SETBP1: variants seen among roughly 807,000 people sequenced by gnomAD.
The protein encoded by SETBP1 is SET-binding protein.
In SETBP1, 9 loss-of-function variants were observed where a neutral mutation model predicts 101.0. That is an observed-to-expected ratio of 0.09 (90% CI 0.05 to 0.16). SETBP1 has a LOEUF of 0.16. Ranked by LOEUF, SETBP1 falls within the 10% of genes least tolerant of loss-of-function variation. The probability of loss-of-function intolerance (pLI) is 1.00; values close to 1 mark genes in which losing one functional copy is unlikely to be tolerated. For missense variants in SETBP1, 1,858 were observed against 2,033.8 expected, an observed-to-expected ratio of 0.91 and a Z score of 1.66; for synonymous variants, 818 against 788.5, an observed-to-expected ratio of 1.04 and a Z score of -0.63.
chr18:45,022,089 G>C (rs2073082740), intron 4 of SETBP1, among the ~76,000 whole-genome samples: 1 of 152,122 alleles, frequency 6.6e-6, no homozygotes, highest in Non-Finnish European at 1.5e-5. Flanking sequence ...AACCTACTAG[G>C]AGCAGATTTT....
chr18:44,849,357 G>C (rs573415403), intron 2 of SETBP1, among the ~76,000 whole-genome samples: 16 of 152,208 alleles, frequency 1.1e-4, no homozygotes, highest in African/African-American at 3.4e-4. Flanking sequence ...AAGTTTTAAG[G>C]CTGGTCCTAT....
At chr18:44,887,148 A>G (rs866301832) in intron 3 of SETBP1, among the ~76,000 whole-genome samples, 1 of 152,144 alleles carries the variant, frequency 6.6e-6, no homozygotes, top group East Asian at 1.9e-4. Flanking sequence ...AAGTGGGGAC[A>G]TGAACTCCCT....
chr18:44,790,482 C>T (rs2071346932), intron 2 of SETBP1, among the ~76,000 whole-genome samples: 1 of 152,182 alleles, frequency 6.6e-6, no homozygotes, highest in South Asian at 2.1e-4. Context: ...TAGCAAGTGC[C>T]GTCACACTGA....
chr18:44,974,093 T>C (rs1310136143), intron 4 of SETBP1, among the ~76,000 whole-genome samples: 1 of 152,202 alleles, frequency 6.6e-6, no homozygotes, highest in Non-Finnish European at 1.5e-5. Context: ...ACAATTCAAA[T>C]TTGCTTATGA....
intron 2 of SETBP1, among the ~76,000 whole-genome samples, chr18:44,733,582 T>G (rs2069888292): frequency 6.6e-6 from 1 of 152,166 alleles, no homozygotes; most frequent in Non-Finnish European, 1.5e-5. Flanking sequence ...AGCTCCAGTA[T>G]CCCTGTGGGT....
chr18:44,736,744 C>A (rs2069977483), intron 2 of SETBP1, among the ~76,000 whole-genome samples: 1 of 152,234 alleles, frequency 6.6e-6, no homozygotes, highest in Admixed American at 6.5e-5. Flanking sequence ...TCATAACCCA[C>A]AGTGCACTTA....
At chr18:45,005,830 TA>T (rs1375438542) in intron 4 of SETBP1, among the ~76,000 whole-genome samples, 2 of 151,204 alleles carry the variant, frequency 1.3e-5, no homozygotes, top group Non-Finnish European at 2.9e-5. Flanking sequence ...GTATTTTTAG[TA>T]GAGACGGGGT....
chr18:44,696,585 C>T (rs2069021534), intron 1 of SETBP1, among the ~76,000 whole-genome samples: 1 of 152,220 alleles, frequency 6.6e-6, no homozygotes, highest in East Asian at 1.9e-4. Flanking sequence ...TAAGTCACAT[C>T]TAGCCAAGCA....
chr18:44,772,337 A>C (rs954266886), intron 2 of SETBP1, among the ~76,000 whole-genome samples: 4 of 152,136 alleles, frequency 2.6e-5, no homozygotes, highest in African/African-American at 9.7e-5. Flanking sequence ...TTTAAATAAG[A>C]AAAAGGAAAG....
chr18:44,931,657 C>T (rs1413998495), intron 3 of SETBP1, among the ~76,000 whole-genome samples: 2 of 152,126 alleles, frequency 1.3e-5, no homozygotes, highest in Non-Finnish European at 2.9e-5. Flanking sequence ...GGATAGTTAG[C>T]TCTTCTTGTT....
At chr18:44,808,097 G>C (rs76551757) in intron 2 of SETBP1, among the ~76,000 whole-genome samples, 2 of 152,300 alleles carry the variant, frequency 1.3e-5, no homozygotes, top group Non-Finnish European at 2.9e-5. Context: ...GGCTCCTGTC[G>C]TTCCAGTACC....
chr18:44,710,318 G>C (rs945921037), intron 2 of SETBP1, among the ~76,000 whole-genome samples: 1 of 152,104 alleles, frequency 6.6e-6, no homozygotes, highest in African/African-American at 2.4e-5. Flanking sequence ...AAAGTTACTG[G>C]GAACCGCTAA....
intron 4 of SETBP1, among the ~76,000 whole-genome samples, chr18:44,960,702 C>A (rs2071594078): frequency 6.6e-6 from 1 of 152,128 alleles, no homozygotes; most frequent in Admixed American, 6.5e-5. Context: ...CTTTATCTTT[C>A]TTCCCTGACC....
intron 1 of SETBP1, among the ~76,000 whole-genome samples, chr18:44,690,656 A>G (rs1598993594): frequency 6.6e-6 from 1 of 152,248 alleles, no homozygotes; most frequent in African/African-American, 2.4e-5. Flanking sequence ...GTCAGACACA[A>G]CTGCCCCTGT....
At chr18:44,971,001 A>G (rs2071840083) in intron 4 of SETBP1, among the ~76,000 whole-genome samples, 1 of 151,940 alleles carries the variant, frequency 6.6e-6, no homozygotes, top group South Asian at 2.1e-4. Context: ...TATATCTCCT[A>G]ATGCTATGCC....
intron 4 of SETBP1, among the ~76,000 whole-genome samples, chr18:45,019,184 T>C (rs928257771): frequency 1.3e-5 from 2 of 152,166 alleles, no homozygotes; most frequent in Non-Finnish European, 1.5e-5. Context: ...TCAGATAACT[T>C]TGATGATTTT....
Position 44,952,962 on chromosome 18 carries a change from G to A in SETBP1, c.3622G>A (p.Glu1208Lys), listed in dbSNP as rs1158927082. The A allele has an allele frequency of 6.2e-7, 1 of 1,614,148 alleles. No homozygotes were observed. Residue 1208 changes from glutamate (E) to lysine (K), a missense_variant, in exon 4 of 6, where the codon GAG becomes AAG. Glu to Lys is a moderately conservative substitution (Grantham distance 56). Transcript: ENST00000649279. ...GGTGAGTGAGAAGAACAAGCATAAG[G>A]AGAAACAGAAGCACCAGCACAGCGA... ...PLVSEKNKHK[E>K]KQKHQHSEAG...
chr18:44,904,618 A>G (rs1250194266), intron 3 of SETBP1, among the ~76,000 whole-genome samples: 2 of 152,214 alleles, frequency 1.3e-5, no homozygotes, highest in African/African-American at 4.8e-5. Context: ...ATCTGACTTG[A>G]TAACAGCTTA....
intron 3 of SETBP1, among the ~76,000 whole-genome samples, chr18:44,945,054 G>C (rs541162042): frequency 1.3e-5 from 2 of 151,926 alleles, no homozygotes; most frequent in Admixed American, 6.6e-5. Context: ...CAACATGCAG[G>C]TTTGTTACAT....
Sources: gnomAD v4.1 joint callset for allele counts (sites outside exome capture counted in the v4.1 genomes callset) on GRCh38, gnomAD v4.1.1 for gene constraint, MANE v1.5 for transcripts, NCBI Gene and HGNC (gene_info 2026-07-23, HGNC 2026-07-21) for gene names.